Variants in PDE7B observed in about 807,000 individuals in gnomAD.
The protein encoded by PDE7B is 3',5'-cyclic-AMP phosphodiesterase 7B.
Under a neutral mutation model 56.2 loss-of-function variants are expected in PDE7B, and 29 were observed. The ratio of observed to expected loss-of-function variants is 0.52; its 90% CI spans 0.38 to 0.70. The LOEUF (loss-of-function observed/expected upper bound fraction) is 0.70, where lower values mean the gene tolerates loss of function less well. Among genes scored for constraint, PDE7B ranks in the 30% least tolerant of loss-of-function variants. PDE7B has a pLI of 0.00. For synonymous variants in PDE7B, 197 were observed against 196.9 expected (o/e 1.00, Z 0.00); for missense variants, 490 against 565.0 (o/e 0.87, Z 1.35).
At chr6:136,183,230 G>A (rs2128451584) in intron 11 of PDE7B, among the ~76,000 whole-genome samples, 1 of 152,222 alleles carries the variant, frequency 6.6e-6, no homozygotes, top group Admixed American at 6.5e-5. Flanking sequence ...GGCAGAGGAA[G>A]AATAGAAAGT....
chr6:136,146,205 C>T (rs1029766869), intron 3 of PDE7B, among the ~76,000 whole-genome samples: 1 of 152,200 alleles, frequency 6.6e-6, no homozygotes, highest in South Asian at 2.1e-4. Context: ...GCCCAAATTA[C>T]TTTACATATG....
chr6:136,068,469 C>A (rs11758310), intron 2 of PDE7B, among the ~76,000 whole-genome samples: 2 of 135,646 alleles, frequency 1.5e-5, no homozygotes, highest in African/African-American at 2.7e-5. Flanking sequence ...CTCGCTCTGT[C>A]TCCCAGGCTG....
At chr6:135,876,783 T>C (rs1157686650) in intron 1 of PDE7B, among the ~76,000 whole-genome samples, 1 of 151,908 alleles carries the variant, frequency 6.6e-6, no homozygotes, top group East Asian at 1.9e-4. Flanking sequence ...TGCTTGAACC[T>C]GGGAGGCGGA....
At chr6:136,091,592 A>T (rs1164045151) in intron 2 of PDE7B, among the ~76,000 whole-genome samples, 1 of 152,248 alleles carries the variant, frequency 6.6e-6, no homozygotes, top group African/African-American at 2.4e-5. Context: ...CTGAACATTG[A>T]TTCTATGAAG....
At chr6:135,916,769 A>T (rs1773957631) in intron 1 of PDE7B, among the ~76,000 whole-genome samples, 1 of 152,084 alleles carries the variant, frequency 6.6e-6, no homozygotes, top group Admixed American at 6.5e-5. Context: ...TAAAAAATAT[A>T]TTCTACATAC....
intron 2 of PDE7B, among the ~76,000 whole-genome samples, chr6:136,105,968 G>T (rs189853549): frequency 1.3e-5 from 2 of 152,286 alleles, no homozygotes; most frequent in Admixed American, 6.5e-5. Flanking sequence ...GTGCTGGAAG[G>T]AGCCCATGAG....
chr6:136,122,343 T>C (rs924797103), intron 3 of PDE7B, among the ~76,000 whole-genome samples: 6 of 152,218 alleles, frequency 3.9e-5, no homozygotes, highest in Non-Finnish European at 4.4e-5. Context: ...CTTGTGAGTA[T>C]AGACAAACGC....
At chr6:135,908,005 C>T (rs1243530603) in intron 1 of PDE7B, among the ~76,000 whole-genome samples, 1 of 151,796 alleles carries the variant, frequency 6.6e-6, no homozygotes, top group East Asian at 1.9e-4. Context: ...GATATTATTT[C>T]ATATTTACCA....
At chr6:136,145,033 A>C (rs1215961432) in intron 3 of PDE7B, among the ~76,000 whole-genome samples, 3 of 152,122 alleles carry the variant, frequency 2.0e-5, no homozygotes, top group African/African-American at 4.8e-5. Context: ...ATTGCTTTTT[A>C]AACTTTCATT....
At chr6:135,974,451 A>G (rs114869858) in intron 2 of PDE7B, among the ~76,000 whole-genome samples, 1,618 of 152,276 alleles carry the variant, frequency 0.011, 30 homozygotes, top group African/African-American at 0.036. Context: ...TAATCAGCCA[A>G]TTACAGTAGA....
At chr6:135,933,035 T>C (rs1774322072) in intron 1 of PDE7B, among the ~76,000 whole-genome samples, 2 of 152,270 alleles carry the variant, frequency 1.3e-5, no homozygotes, top group South Asian at 4.1e-4. Context: ...TTTGATCTCT[T>C]AGGGGCTCTG....
At position 136,082,774 on chromosome 6, in the gene PDE7B, C is replaced by A. The variant is rs537962725; in HGVS notation, c.83-25957C>A. On this transcript the variant is annotated intron_variant, in intron 2 of 12. Transcript: ENST00000308191. ...GGAAGTTATTGGGTAATTCAAGTAT[C>A]AAATGAAGTGAGAGCAATGGGAGTG... Among the ~76,000 whole-genome samples, 10 of 152,180 alleles carry A rather than the reference C, an allele frequency of 6.6e-5. 1 individual carries two copies. Among genetic ancestry groups the A allele is most frequent in the Admixed American group, 4.6e-4 (7 of 15,288 alleles).
intron 6 of PDE7B, among the ~76,000 whole-genome samples, chr6:136,152,258 T>A (rs1242121528): frequency 6.6e-6 from 1 of 152,214 alleles, no homozygotes; most frequent in East Asian, 1.9e-4. Context: ...GCTGACATAT[T>A]AACAAACCTC....
intron 4 of PDE7B, among the ~76,000 whole-genome samples, chr6:136,148,752 T>C (rs1438545251): frequency 6.6e-6 from 1 of 152,110 alleles, no homozygotes; most frequent in Non-Finnish European, 1.5e-5. Context: ...TGGTGTGAGA[T>C]GTGGAAAGGA....
At chr6:136,076,626 C>T (rs1047924110) in intron 2 of PDE7B, among the ~76,000 whole-genome samples, 3 of 152,140 alleles carry the variant, frequency 2.0e-5, no homozygotes, top group Non-Finnish European at 2.9e-5. Context: ...TGCAGTTAGA[C>T]GCCCAGATCT....
chr6:136,030,391 C>T (rs1776227250), intron 2 of PDE7B, among the ~76,000 whole-genome samples: 1 of 152,192 alleles, frequency 6.6e-6, no homozygotes, highest in Non-Finnish European at 1.5e-5. Context: ...CCAGGTGAAA[C>T]CTGTTAAAGA....
At chr6:135,938,711 G>A (rs1004906135) in intron 1 of PDE7B, among the ~76,000 whole-genome samples, 5 of 152,118 alleles carry the variant, frequency 3.3e-5, no homozygotes, top group African/African-American at 7.2e-5. Context: ...AGAGTGCAAC[G>A]TAAGACGCAA....
intron 1 of PDE7B, among the ~76,000 whole-genome samples, chr6:135,923,324 G>A (rs561353833): frequency 7.9e-5 from 12 of 152,084 alleles, no homozygotes; most frequent in Non-Finnish European, 1.6e-4. Flanking sequence ...TTACACAGAC[G>A]CAGTATTACT....
intron 2 of PDE7B, among the ~76,000 whole-genome samples, chr6:135,955,013 G>C (rs1446725742): frequency 6.6e-6 from 1 of 152,124 alleles, no homozygotes; most frequent in Non-Finnish European, 1.5e-5. Flanking sequence ...AGAAGTGTCA[G>C]TCTTGTATTG....
Sources: gnomAD v4.1 joint callset for allele counts (sites outside exome capture counted in the v4.1 genomes callset) on GRCh38, gnomAD v4.1.1 for gene constraint, MANE v1.5 for transcripts, NCBI Gene and HGNC (gene_info 2026-07-23, HGNC 2026-07-21) for gene names.